Variants in SOX6 observed in about 807,000 individuals in gnomAD.
SOX6 encodes SRY-box transcription factor 6, also known as transcription factor SOX-6.
Under a neutral mutation model 97.8 loss-of-function variants are expected in SOX6, and 11 were observed. The ratio of observed to expected loss-of-function variants is 0.11; its 90% confidence interval spans 0.07 to 0.19. SOX6 has a LOEUF of 0.19. SOX6 is among the 10% of genes least tolerant of loss of function. The pLI is 1.00. For synonymous variants in SOX6, 360 were observed against 371.4 expected (o/e 0.97, Z 0.35); for missense variants, 810 against 1,039.5 (o/e 0.78, Z 3.04).
At chr11:16,721,512 C>G (rs1198625829) in intron 2 of SOX6, among the ~76,000 whole-genome samples, 1 of 51,826 alleles carries the variant, frequency 1.9e-5, no homozygotes, top group Non-Finnish European at 3.7e-5. Context: ...CTCTCTCTCT[C>G]TCTCTCTCTC....
intron 4 of SOX6, among the ~76,000 whole-genome samples, chr11:16,549,042 A>ATTG (rs943614678): frequency 1.3e-5 from 2 of 152,204 alleles, no homozygotes; most frequent in Admixed American, 1.3e-4. Flanking sequence ...TTGAAAAGAC[A>ATTG]TTGCTCCAAA....
chr11:16,430,236 G>A (rs377642737), intron 1 of SOX6, among the ~76,000 whole-genome samples: 2 of 151,934 alleles, frequency 1.3e-5, no homozygotes, highest in African/African-American at 4.8e-5. Context: ...TTCAGATCTC[G>A]TTTCAATCCC....
rs554082245 is a variant in SOX6, at chr11:16,607,002, C to A, written n.609+5079G>T. 6.6e-6 allele frequency among the ~76,000 whole-genome samples: 1 copy of A among 152,146 alleles called. No individual in the cohort carries two copies. Among genetic ancestry groups the A allele is most frequent in the Non-Finnish European group, 1.5e-5 (1 of 67,996 alleles). ...CCCCCTCCGCGTCGGCCCCTCGGAG[C>A]GCCCTCCTCCCGCTCCTCCTCCTCC... On this transcript the variant is annotated intron_variant and non_coding_transcript_variant, in intron 4 of 5. Transcript: ENST00000524520. This position sits in a 1 kb window ranked among gnomAD's most constrained non-coding sequence, Gnocchi z 6.5.
At chr11:16,623,015 T>C (rs1252733999) in intron 3 of SOX6, among the ~76,000 whole-genome samples, 1 of 152,116 alleles carries the variant, frequency 6.6e-6, no homozygotes, top group African/African-American at 2.4e-5. Flanking sequence ...TCCCTGGTCA[T>C]TAGTGATGTT....
chr11:16,582,657 C>CA (rs1848042173), intron 4 of SOX6, among the ~76,000 whole-genome samples: 1 of 151,128 alleles, frequency 6.6e-6, no homozygotes, highest in Non-Finnish European at 1.5e-5. Context: ...ACCACAGATA[C>CA]AAAAAAGAAG....
intron 3 of SOX6, among the ~76,000 whole-genome samples, chr11:16,650,054 T>C (rs1847623741): frequency 6.6e-6 from 1 of 152,088 alleles, no homozygotes; most frequent in Admixed American, 6.6e-5. Context: ...CATTATATAA[T>C]GATAAAAAAT....
intron 3 of SOX6, among the ~76,000 whole-genome samples, chr11:16,298,542 A>G (rs1397661168): frequency 6.6e-6 from 1 of 152,096 alleles, no homozygotes; most frequent in African/African-American, 2.4e-5. Context: ...CAAAGAAATA[A>G]AAAAGAAAGC....
chr11:16,007,195 A>T (rs1854581434), intron 13 of SOX6, among the ~76,000 whole-genome samples: 1 of 152,124 alleles, frequency 6.6e-6, no homozygotes, highest in Non-Finnish European at 1.5e-5. Context: ...GGTATAGTCT[A>T]CTGTACACCT....
intron 4 of SOX6, among the ~76,000 whole-genome samples, chr11:16,540,436 C>T (rs1225294092): frequency 2.6e-5 from 4 of 152,074 alleles, no homozygotes; most frequent in Admixed American, 6.6e-5. Flanking sequence ...TCTCTCACCA[C>T]TCCTATTCAA....
intron 9 of SOX6, among the ~76,000 whole-genome samples, chr11:16,085,986 G>T (rs1358706858): frequency 6.6e-6 from 1 of 152,124 alleles, no homozygotes; most frequent in African/African-American, 2.4e-5. Context: ...CTTACCTAAA[G>T]GTCTTCCTTC....
At position 16,607,032 on chromosome 11, in the gene SOX6, C is replaced by T. The variant is rs149232968; in HGVS notation, n.609+5049G>A. On this transcript the variant is annotated intron_variant and non_coding_transcript_variant, in intron 4 of 5. Transcript: ENST00000524520. The surrounding 1 kb of genome is among the most constrained non-coding windows in gnomAD (Gnocchi z 6.5). ...TCCTCCCGCTCCTCCTCCTCCTTTC[C>T]CCTCCCCAGCCAAGTACGCAAACCC... 4,457 of 152,562 alleles carry T rather than the reference C, an allele frequency of 0.029. 158 individuals carry two copies. The highest frequency in any genetic ancestry group is 0.057 in the Middle Eastern group (17 of 296). The allele number at this position is 152,562 out of a possible 1,614,324, so 9.5% of individuals were successfully genotyped here.
intron 15 of SOX6, among the ~76,000 whole-genome samples, chr11:15,979,837 T>C (rs1853608601): frequency 6.6e-6 from 1 of 152,124 alleles, no homozygotes; most frequent in Admixed American, 6.6e-5. Context: ...CCCTATAAGC[T>C]GAAACTTCCT....
At chr11:16,707,714 A>G (rs1007226901) in intron 3 of SOX6, among the ~76,000 whole-genome samples, 3 of 152,230 alleles carry the variant, frequency 2.0e-5, no homozygotes, top group East Asian at 3.8e-4. Context: ...ACACTGTGCT[A>G]TAATGAGTGA....
chr11:15,979,065 A>AT (rs59143054), intron 15 of SOX6, among the ~76,000 whole-genome samples: 55 of 140,598 alleles, frequency 3.9e-4, no homozygotes, highest in African/African-American at 1.2e-3. Context: ...ATATATATAT[A>AT]AAACTGCTTA....
At chr11:16,199,488 T>C (rs901039499) in intron 4 of SOX6, among the ~76,000 whole-genome samples, 3 of 152,200 alleles carry the variant, frequency 2.0e-5, no homozygotes, top group Non-Finnish European at 2.9e-5. Flanking sequence ...CCAGTTGGTC[T>C]GAATACCCAA....
At chr11:16,428,439 T>C (rs1383861119) in intron 1 of SOX6, among the ~76,000 whole-genome samples, 2 of 152,202 alleles carry the variant, frequency 1.3e-5, no homozygotes, top group African/African-American at 2.4e-5. Context: ...GGTTTTCTTC[T>C]AGGGTTTTTA....
intron 4 of SOX6, among the ~76,000 whole-genome samples, chr11:16,518,077 T>C (rs2133158126): frequency 6.6e-6 from 1 of 152,290 alleles, no homozygotes; most frequent in South Asian, 2.1e-4. Context: ...ACTAGTATGT[T>C]CAAAGTCTGT....
chr11:16,448,052 T>C (rs1170567365), intron 1 of SOX6, among the ~76,000 whole-genome samples: 1 of 152,194 alleles, frequency 6.6e-6, no homozygotes, highest in Non-Finnish European at 1.5e-5. Flanking sequence ...GGATTTTCTA[T>C]AGGATGCTTA....
At chr11:16,131,688 G>A (rs566910024) in intron 6 of SOX6, among the ~76,000 whole-genome samples, 1 of 152,100 alleles carries the variant, frequency 6.6e-6, no homozygotes, top group South Asian at 2.1e-4. Flanking sequence ...ATTAACTGGA[G>A]GAAGGCTAAA....
Sources: gnomAD v4.1 joint callset for allele counts (sites outside exome capture counted in the v4.1 genomes callset) on GRCh38, gnomAD v4.1.1 for gene constraint, Gnocchi (gnomAD v3.1) non-coding constraint, MANE v1.5 for transcripts, NCBI Gene and HGNC (gene_info 2026-07-23, HGNC 2026-07-21) for gene names.